NLGN1: variants seen among roughly 807,000 people sequenced by gnomAD.
The protein encoded by NLGN1 is neuroligin 1, also known as neuroligin-1.
A neutral mutation model predicts 65.5 loss-of-function variants in NLGN1; 12 were observed. The ratio of observed to expected loss-of-function variants is 0.18; its 90% CI spans 0.12 to 0.30. The LOEUF (loss-of-function observed/expected upper bound fraction) is 0.30, where lower values mean the gene tolerates loss of function less well. Among genes scored for constraint, NLGN1 ranks in the 10% least tolerant of loss-of-function variants. NLGN1 has a pLI of 1.00. For synonymous variants in NLGN1, 350 were observed against 359.5 expected, an observed-to-expected ratio of 0.97 and a Z score of 0.30; for missense variants, 750 against 1,007.1, an observed-to-expected ratio of 0.74 and a Z score of 3.46.
chr3:173,597,274 T>G (rs1450495778), intron 2 of NLGN1, among the ~76,000 whole-genome samples: 2 of 152,204 alleles, frequency 1.3e-5, no homozygotes, highest in East Asian at 3.9e-4. Context: ...CCTGGCATTG[T>G]GGCCTTCAGA....
At chr3:173,667,522 T>C (rs569760092) in intron 3 of NLGN1, among the ~76,000 whole-genome samples, 1 of 152,340 alleles carries the variant, frequency 6.6e-6, no homozygotes, top group East Asian at 1.9e-4. Context: ...GATACTATTA[T>C]CTAAATTGCA....
chr3:174,133,270 C>T (rs1284889095), intron 4 of NLGN1, among the ~76,000 whole-genome samples: 1 of 152,200 alleles, frequency 6.6e-6, no homozygotes, highest in Non-Finnish European at 1.5e-5. Context: ...TTCATTCCTT[C>T]GTAGAAGTCT....
chr3:174,094,348 T>C (rs891140816), intron 4 of NLGN1, among the ~76,000 whole-genome samples: 3 of 152,216 alleles, frequency 2.0e-5, no homozygotes, highest in African/African-American at 4.8e-5. Flanking sequence ...TAGAGACTTG[T>C]AGCTATAGAG....
At chr3:174,177,840 C>T (rs1729722665) in intron 4 of NLGN1, among the ~76,000 whole-genome samples, 1 of 151,992 alleles carries the variant, frequency 6.6e-6, no homozygotes, top group Non-Finnish European at 1.5e-5. Context: ...ATTTATTCTT[C>T]ATGTTGGAAT....
chr3:173,548,338 A>G (rs930654297), intron 2 of NLGN1, among the ~76,000 whole-genome samples: 1 of 152,186 alleles, frequency 6.6e-6, no homozygotes, highest in Non-Finnish European at 1.5e-5. Context: ...CCTATGTAAA[A>G]TGATTCTGAA....
At chr3:174,054,491 T>A (rs1457191045) in intron 4 of NLGN1, among the ~76,000 whole-genome samples, 5 of 152,130 alleles carry the variant, frequency 3.3e-5, no homozygotes, top group African/African-American at 1.2e-4. Context: ...CATTATCTGA[T>A]CCTCTCTTTA....
At chr3:173,469,889 C>T (rs1055389115) in intron 2 of NLGN1, among the ~76,000 whole-genome samples, 17 of 151,884 alleles carry the variant, frequency 1.1e-4, no homozygotes, top group African/African-American at 4.1e-4. Context: ...CATATGCTTA[C>T]TCCAGTTCAT....
intron 4 of NLGN1, among the ~76,000 whole-genome samples, chr3:173,940,421 A>G (rs557294475): frequency 6.6e-6 from 1 of 152,250 alleles, no homozygotes; most frequent in Non-Finnish European, 1.5e-5. Flanking sequence ...TTCCTGGTCT[A>G]CAATATATAC....
At position 174,260,225 on chromosome 3, in the gene NLGN1, G is replaced by A. The variant is rs1267725101; in HGVS notation, c.647-15090G>A. Among the ~76,000 whole-genome samples, 687 of 150,506 alleles carry A rather than the reference G, an allele frequency of 4.6e-3. 6 individuals are homozygous for A. The highest frequency in any genetic ancestry group is 0.016 in the African/African-American group (648 of 40,730). On this transcript the variant is annotated intron_variant, in intron 4 of 6. Coordinates refer to ENST00000457714, the Ensembl canonical transcript of NLGN1. Reference sequence around the variant, plus strand: ...AGTAATGGGATGGCTGGGTCAAATGGTATTTCTAGTTCTAGATCCCTGAGG... The same window carrying A: ...AGTAATGGGATGGCTGGGTCAAATGATATTTCTAGTTCTAGATCCCTGAGG...
chr3:174,182,301 T>G (rs991448412), intron 4 of NLGN1, among the ~76,000 whole-genome samples: 2 of 152,188 alleles, frequency 1.3e-5, no homozygotes, highest in Non-Finnish European at 2.9e-5. Context: ...GTGGTTGAAA[T>G]GCTTAAAGTA....
chr3:174,153,859 T>C (rs1724856611), intron 4 of NLGN1, among the ~76,000 whole-genome samples: 1 of 152,096 alleles, frequency 6.6e-6, no homozygotes, highest in Non-Finnish European at 1.5e-5. Context: ...AACATGGTGG[T>C]ACATGCCTGT....
intron 2 of NLGN1, among the ~76,000 whole-genome samples, chr3:173,522,109 T>C (rs1734855464): frequency 6.6e-6 from 1 of 152,174 alleles, no homozygotes; most frequent in South Asian, 2.1e-4. Context: ...CCAAGCTCCT[T>C]ATCTTTTGAA....
intron 3 of NLGN1, among the ~76,000 whole-genome samples, chr3:173,760,132 T>TGA (rs1777754664): frequency 6.6e-6 from 1 of 152,024 alleles, no homozygotes; most frequent in Non-Finnish European, 1.5e-5. Flanking sequence ...ATCACCTCTT[T>TGA]CACTAGTTGG....
intron 2 of NLGN1, among the ~76,000 whole-genome samples, chr3:173,475,616 C>T (rs1175245319): frequency 9.2e-5 from 14 of 152,062 alleles, no homozygotes; most frequent in Admixed American, 9.2e-4. Context: ...CCAGTGAATC[C>T]CCAGATCCTT....
At chr3:174,042,728 AT>A (rs1732632926) in intron 4 of NLGN1, among the ~76,000 whole-genome samples, 1 of 152,210 alleles carries the variant, frequency 6.6e-6, no homozygotes. Flanking sequence ...AAAAATAAAC[AT>A]TTTTATGATG....
At chr3:173,974,766 C>A (rs1323557218) in intron 4 of NLGN1, among the ~76,000 whole-genome samples, 1 of 151,912 alleles carries the variant, frequency 6.6e-6, no homozygotes, top group Non-Finnish European at 1.5e-5. Flanking sequence ...TACAGCAGGC[C>A]CTATTTTCTG....
At chr3:173,618,050 C>T (rs75618292) in intron 3 of NLGN1, among the ~76,000 whole-genome samples, 15,505 of 152,070 alleles carry the variant, frequency 0.1, 1,051 homozygotes, top group Non-Finnish European at 0.16. Flanking sequence ...AAGAAGAGGT[C>T]GAATTGTATT....
chr3:173,582,175 A>G (rs1051446277), intron 2 of NLGN1, among the ~76,000 whole-genome samples: 1 of 152,054 alleles, frequency 6.6e-6, no homozygotes, highest in African/African-American at 2.4e-5. Flanking sequence ...ATTCATTTAT[A>G]TCAACTCAAG....
intron 2 of NLGN1, among the ~76,000 whole-genome samples, chr3:173,525,713 T>C (rs1735535751): frequency 1.3e-5 from 2 of 152,102 alleles, no homozygotes; most frequent in South Asian, 2.1e-4. Context: ...GATCTTTCTA[T>C]CTTTCTGATG....
Sources: allele counts gnomAD v4.1 joint callset (sites outside exome capture counted in the v4.1 genomes callset), GRCh38; gene constraint gnomAD v4.1.1; transcripts MANE v1.5; gene names NCBI Gene and HGNC (gene_info 2026-07-23, HGNC 2026-07-21).